DGKZ: variants seen among roughly 807,000 people sequenced by gnomAD.
DGKZ encodes DAG kinase zeta.
DGKZ carries 45 observed loss-of-function variants against 142.5 expected under a neutral mutation model. That is an observed-to-expected ratio of 0.32 (90% CI 0.25 to 0.40). The LOEUF (loss-of-function observed/expected upper bound fraction) is 0.40, where lower values mean the gene tolerates loss of function less well. DGKZ is among the 10% of genes least tolerant of loss of function. The pLI, the probability that DGKZ is intolerant of heterozygous loss-of-function variation, is 1.00. For missense variants in DGKZ, 755 were observed against 1,306.5 expected, an observed-to-expected ratio of 0.58 and a Z score of 6.51; for synonymous variants, 442 against 527.0, an observed-to-expected ratio of 0.84 and a Z score of 2.21.
rs1944010878 is a variant in DGKZ, at chr11:46,372,112, C to T, written c.869C>T (p.Pro290Leu). The change falls in exon 10 of 31, where the codon CCC becomes CTC. Residue 290 changes from proline to leucine, a missense_variant. This residue lies in a region of DGKZ where 142 missense variants were observed against 244.4 expected (regional missense o/e 0.58). Transcript: ENST00000527911. The surrounding 1 kb of genome is among the most constrained non-coding windows in gnomAD (Gnocchi z 5.9). ...AGACCCTTCATCATCAGGCCCACCC[C>T]CTCCCCGCTCATGAAGCCCCTGCTG... is the stretch of plus-strand genomic sequence containing the variant. 2 of 1,612,028 alleles carry T rather than the reference C, an allele frequency of 1.2e-6. No individual in the cohort carries two copies. Among genetic ancestry groups the T allele is most frequent in the South Asian group, 2.2e-5 (2 of 90,596 alleles).
At position 46,367,842 on chromosome 11, in the gene DGKZ, CT is replaced by C. The variant is rs1477532255; in HGVS notation, c.366+96del. The C allele has an allele frequency of 6.5e-7, 1 of 1,549,074 alleles. No individual in the cohort carries two copies. The highest frequency in any genetic ancestry group is 1.7e-5 in the Admixed American group (1 of 58,232). ...GGATTGAGCCCGCTCCCTGGCACCC[CT>C]GCTGTGGGCCGCCCCAGGATGGTGA... On this transcript the variant is annotated intron_variant, in intron 3 of 30. Transcript: ENST00000527911. The surrounding 1 kb of genome is among the most constrained non-coding windows in gnomAD (Gnocchi z 4.1).
chr11:46,367,043 G>T lies in DGKZ; in HGVS notation c.162-248G>T. On this transcript the variant is annotated intron_variant, in intron 1 of 30. Coordinates refer to ENST00000527911, the Ensembl canonical transcript of DGKZ. The surrounding 1 kb of genome is among the most constrained non-coding windows in gnomAD (Gnocchi z 4.1). ...GTGACCTCCTGTGGGTCTGGCCTGGGCATGGGCCTTGAAGCTCTGCCTGGC... is the reference window on the plus strand; with the variant it reads ...GTGACCTCCTGTGGGTCTGGCCTGGTCATGGGCCTTGAAGCTCTGCCTGGC... The T allele has an allele frequency of 2.0e-6, 3 of 1,471,242 alleles. No homozygotes were observed. The highest frequency in any genetic ancestry group is 1.8e-6 in the Non-Finnish European group (2 of 1,113,464). The allele number at this position is 1,471,242 out of a possible 1,614,324, so 91.1% of individuals were successfully genotyped here.
chr11:46,356,875 G>A (rs574234299), intron 1 of DGKZ, among the ~76,000 whole-genome samples: 3 of 152,278 alleles, frequency 2.0e-5, no homozygotes, highest in African/African-American at 7.2e-5. Flanking sequence ...CTTAATATTT[G>A]TAAAAACACT....
intron 1 of DGKZ, chr11:46,364,269 A>G: frequency 1.0e-6 from 1 of 954,844 alleles, no homozygotes; most frequent in Non-Finnish European, 1.5e-6. Context: ...CTTCCTCATC[A>G]GGAATGCAGT....
At chr11:46,355,870 C>T (rs992196090) in intron 1 of DGKZ, among the ~76,000 whole-genome samples, 4 of 152,308 alleles carry the variant, frequency 2.6e-5, no homozygotes, top group Admixed American at 6.5e-5. Flanking sequence ...CCTCAGCCTC[C>T]CAAGTAGCTG....
rs1197696796 is a variant in DGKZ at position 46,369,934 on chromosome 11, C to G, written c.502-7C>G. On this transcript the variant is annotated splice_polypyrimidine_tract_variant and splice_region_variant and intron_variant, in intron 5 of 30. Coordinates refer to ENST00000527911, the Ensembl canonical transcript of DGKZ. Reference sequence around the variant, plus strand: ...CACCCAGTGAAATTTTTCCCCTTCTCCCCCAGCCAACCTTTGTACGGCACC... The same window carrying G: ...CACCCAGTGAAATTTTTCCCCTTCTGCCCCAGCCAACCTTTGTACGGCACC... The G allele has an allele frequency of 2.5e-6, 4 of 1,613,906 alleles. No homozygotes were observed. In the South Asian group the frequency reaches 3.3e-5, roughly 13 times the overall value.
chr11:46,355,570 T>C (rs1565018057), intron 1 of DGKZ, among the ~76,000 whole-genome samples: 1 of 152,122 alleles, frequency 6.6e-6, no homozygotes, highest in Non-Finnish European at 1.5e-5. Context: ...AGGCTTAGCT[T>C]GAGGTCATGT....
chr11:46,365,488 C>T, intron 1 of DGKZ: 1 of 985,368 alleles, frequency 1.0e-6, no homozygotes, highest in African/African-American at 1.7e-5. Flanking sequence ...ATTGTCACGG[C>T]CCCCTGGGTG....
chr11:46,346,674 G>A (rs1940650733), upstream of DGKZ, among the ~76,000 whole-genome samples: 2 of 152,198 alleles, frequency 1.3e-5, no homozygotes, highest in Admixed American at 6.5e-5. Flanking sequence ...ATGTGTGCTT[G>A]TGAATGGGAG....
Position 46,374,150 on chromosome 11 carries a change from T to G in DGKZ, c.1327-7T>G. On this transcript the variant is annotated splice_polypyrimidine_tract_variant and splice_region_variant and intron_variant, in intron 14 of 30. Transcript: ENST00000527911. ...GCCCTCATTTTGGTCCCTTGACCTT[T>G]TTCCAGTTGCCCCTGGATGTCTTCA... is the stretch of plus-strand genomic sequence containing the variant. 1 of 1,614,170 alleles carries G rather than the reference T, an allele frequency of 6.2e-7. No individual in the cohort carries two copies. The highest frequency in any genetic ancestry group is 8.5e-7 in the Non-Finnish European group (1 of 1,180,030).
chr11:46,333,299 A>G, exon 1 of DGKZ: 1 of 1,268,284 alleles, frequency 7.9e-7, no homozygotes. Context: ...AGGGCGGCGG[A>G]GGGCAGCGCT....
chr11:46,333,339 G>T lies in DGKZ; in HGVS notation c.64G>T (p.Glu22Ter). The T allele has an allele frequency of 7.4e-7, 1 of 1,348,484 alleles. No homozygotes were observed. Among genetic ancestry groups the T allele is most frequent in the Non-Finnish European group, 9.5e-7 (1 of 1,057,844 alleles). 83.5% of individuals were successfully genotyped at this position (1,348,484 alleles called of 1,614,324 possible). A position where few individuals can be genotyped will look rare whatever the true frequency, so the allele number is the denominator to read the frequency against. Residue 22 changes from glutamate to a stop codon, truncating the protein, a stop_gained, in exon 1 of 31, where the codon GAG becomes TAG. Coordinates refer to the DGKZ transcript ENST00000343674. LOFTEE classifies it high-confidence loss of function. ...CTGGGCTGGCGGCGGCCGGGCAGCCGAGGAGGAGGTGGTGCGGCGGCGATG... is the reference window on the plus strand; with the variant it reads ...CTGGGCTGGCGGCGGCCGGGCAGCCTAGGAGGAGGTGGTGCGGCGGCGATG...
rs1476455305 is a variant in DGKZ, at chr11:46,367,995, C to T, written c.367-7C>T. The T allele has an allele frequency of 6.2e-7, 1 of 1,613,866 alleles. No homozygotes were observed. The highest frequency in any genetic ancestry group is 8.5e-7 in the Non-Finnish European group (1 of 1,179,976). On this transcript the variant is annotated splice_region_variant and splice_polypyrimidine_tract_variant and intron_variant, in intron 3 of 30. Transcript: ENST00000527911. The surrounding 1 kb of genome is among the most constrained non-coding windows in gnomAD (Gnocchi z 4.1). ...TGCCTCAGGGGCCCTCTCTTCCTGTCCTGCAGCAGAAGTCAGTGTCTCGAA... is the reference window on the plus strand; with the variant it reads ...TGCCTCAGGGGCCCTCTCTTCCTGTTCTGCAGCAGAAGTCAGTGTCTCGAA...
Position 46,347,556 on chromosome 11 carries a change from G to C in DGKZ, c.-104G>C. On this transcript the variant is annotated 5_prime_UTR_variant, in exon 1 of 31. Coordinates refer to ENST00000527911, the Ensembl canonical transcript of DGKZ. The surrounding 1 kb of genome is among the most constrained non-coding windows in gnomAD (Gnocchi z 6.4). ...CGCGGGGCGGGCGGAGCGAGCGCGC[G>C]CCATGGAGGTGGCGGGCGGCGCGGA... The C allele has an allele frequency of 1.0e-6, 1 of 997,218 alleles. No homozygotes were observed. Among genetic ancestry groups the C allele is most frequent in the Non-Finnish European group, 1.2e-6 (1 of 839,146 alleles). The allele number at this position is 997,218 out of a possible 1,614,324, so 61.8% of individuals were successfully genotyped here.
chr11:46,372,958 C>A lies in DGKZ; in HGVS notation c.1186-3C>A, dbSNP rs373427444. 1.2e-5 allele frequency: 18 copies of A among 1,545,120 alleles called. No homozygotes were observed. Among genetic ancestry groups the A allele is most frequent in the East Asian group, 2.4e-5 (1 of 40,954 alleles). On this transcript the variant is annotated splice_polypyrimidine_tract_variant and splice_region_variant and intron_variant, in intron 13 of 30. Coordinates refer to ENST00000527911, the Ensembl canonical transcript of DGKZ. The surrounding 1 kb of genome is among the most constrained non-coding windows in gnomAD (Gnocchi z 5.9). Reference sequence around the variant, plus strand: ...AGGGCTCAGTCCCTGCCTGCTCCCCCAGGGCTACACAGATGAGCCTGTGTC... The same window carrying A: ...AGGGCTCAGTCCCTGCCTGCTCCCCAAGGGCTACACAGATGAGCCTGTGTC...
chr11:46,375,674 C>A (rs962386808), intron 20 of DGKZ, 43 bp downstream of exon 20: 1 of 1,526,572 alleles, frequency 6.6e-7, no homozygotes, highest in African/African-American at 1.4e-5. Flanking sequence ...CAAGGCCAGA[C>A]CCTGCCCTCT....
In DGKZ at chr11:46,368,910, G is replaced by A. The variant is rs149681854; in HGVS notation, c.445-584G>A. ...CCGGGTCGGGAGTGCCAGAGGGCGAGGAAGAAAGGATGCGGCCGAGTGCGG... is the reference window on the plus strand; with the variant it reads ...CCGGGTCGGGAGTGCCAGAGGGCGAAGAAGAAAGGATGCGGCCGAGTGCGG... On this transcript the variant is annotated intron_variant, in intron 4 of 30. Coordinates refer to ENST00000527911, the Ensembl canonical transcript of DGKZ. The A allele has an allele frequency of 6.8e-4, 118 of 172,374 alleles. 1 individual carries two copies. The highest frequency in any genetic ancestry group is 2.9e-3 in the Middle Eastern group (1 of 342). The allele number at this position is 172,374 out of a possible 1,614,324, so 10.7% of individuals were successfully genotyped here.
intron 19 of DGKZ, 74 bp from the exon 20 acceptor site, chr11:46,375,358 C>T (rs965902804): frequency 2.2e-5 from 32 of 1,461,354 alleles, no homozygotes; most frequent in Admixed American, 4.1e-5. Context: ...GTTTCTGCTT[C>T]GGAAGGAGCA....
chr11:46,370,076 G>A, intron 6 of DGKZ, 67 bp downstream of exon 6: 1 of 1,596,516 alleles, frequency 6.3e-7, no homozygotes, highest in South Asian at 1.1e-5. Flanking sequence ...CATGTGGCCG[G>A]TGTGGCCTGC....
Sources: gnomAD v4.1 joint callset for allele counts (sites outside exome capture counted in the v4.1 genomes callset) on GRCh38, gnomAD v4.1.1 for gene constraint, gnomAD v4.1.1 regional missense constraint, Gnocchi (gnomAD v3.1) non-coding constraint, MANE v1.5 for transcripts, NCBI Gene and HGNC (gene_info 2026-07-23, HGNC 2026-07-21) for gene names.